ZNF536: variants seen among roughly 807,000 people sequenced by gnomAD.
The protein encoded by ZNF536 is zinc finger protein 536.
Under a neutral mutation model 84.5 loss-of-function variants are expected in ZNF536, and 13 were observed. The observed-to-expected ratio is 0.15, with a 90% CI of 0.10 to 0.24. ZNF536 has a LOEUF of 0.24. Among genes scored for constraint, ZNF536 ranks in the 10% least tolerant of loss-of-function variants. ZNF536 has a pLI of 1.00. For missense variants in ZNF536, 1,536 were observed against 1,747.5 expected, an observed-to-expected ratio of 0.88 and a Z score of 2.16; for synonymous variants, 811 against 742.5, an observed-to-expected ratio of 1.09 and a Z score of -1.50.
rs181372604 is a variant in ZNF536, at chr19:30,270,983, C to T, written c.-189-13089C>T. On this transcript the variant is annotated intron_variant, in intron 1 of 5. Transcript: ENST00000585628. ...CCATTTCTGAAACATCTGCCATCCC[C>T]TTGTTACCTGTGGGCAGAAGAGAGA... is the stretch of plus-strand genomic sequence containing the variant. Among the ~76,000 whole-genome samples, 78 of 152,114 alleles carry T rather than the reference C, an allele frequency of 5.1e-4. No individual in the cohort carries two copies. In the East Asian group the frequency reaches 0.015, roughly 29 times the overall value.
At chr19:30,370,247 C>T (rs533187251), upstream of ZNF536, among the ~76,000 whole-genome samples, 1 of 152,256 alleles carries the variant, frequency 6.6e-6, no homozygotes, top group South Asian at 2.1e-4. Flanking sequence ...GAGTGCTATA[C>T]TTTTTAGGGG....
chr19:30,429,963 A>G (rs1712187357), intron 1 of ZNF536, among the ~76,000 whole-genome samples: 1 of 151,774 alleles, frequency 6.6e-6, no homozygotes, highest in African/African-American at 2.4e-5. Flanking sequence ...GGTCCTGGAT[A>G]AGGGTACAGG....
chr19:30,616,751 A>G (rs2048309949), intron 1 of ZNF536, among the ~76,000 whole-genome samples: 1 of 152,214 alleles, frequency 6.6e-6, no homozygotes, highest in African/African-American at 2.4e-5. Context: ...AGAAAGACTG[A>G]TAAAATTAAC....
At chr19:30,567,236 C>T (rs2046385589) in intron 1 of ZNF536, among the ~76,000 whole-genome samples, 1 of 152,240 alleles carries the variant, frequency 6.6e-6, no homozygotes, top group Non-Finnish European at 1.5e-5. Flanking sequence ...ATTTCTGAGC[C>T]ACGATTCTGC....
chr19:30,471,694 C>G (rs940369200), intron 2 of ZNF536, among the ~76,000 whole-genome samples: 1 of 152,194 alleles, frequency 6.6e-6, no homozygotes, highest in Non-Finnish European at 1.5e-5. Context: ...ATGAACATCA[C>G]AGGTGTCTGC....
intron 2 of ZNF536, among the ~76,000 whole-genome samples, chr19:30,298,600 C>T (rs2046083209): frequency 6.6e-6 from 1 of 152,166 alleles, no homozygotes; most frequent in Non-Finnish European, 1.5e-5. Context: ...TTTTTGGTAT[C>T]TAGGAGACTT....
At chr19:30,355,017 T>C in intron 3 of ZNF536, among the ~76,000 whole-genome samples, 1 of 152,224 alleles carries the variant, frequency 6.6e-6, no homozygotes, top group East Asian at 1.9e-4. Flanking sequence ...ACTAGACACT[T>C]GTCCTTTTGG....
At chr19:30,600,690 G>A (rs1301380598) in intron 1 of ZNF536, among the ~76,000 whole-genome samples, 1 of 152,234 alleles carries the variant, frequency 6.6e-6, no homozygotes, top group African/African-American at 2.4e-5. Context: ...GTGAGCTGAG[G>A]CAGTGGGTCC....
At chr19:30,671,761 C>G (rs566903786) in intron 1 of ZNF536, among the ~76,000 whole-genome samples, 3 of 152,230 alleles carry the variant, frequency 2.0e-5, no homozygotes, top group African/African-American at 7.2e-5. Context: ...TGTTCAGTGA[C>G]GAACAAACAG....
intron 1 of ZNF536, among the ~76,000 whole-genome samples, chr19:30,405,887 C>T (rs528576768): frequency 6.6e-6 from 1 of 152,178 alleles, no homozygotes; most frequent in East Asian, 1.9e-4. Flanking sequence ...AAGCGATTCT[C>T]CTGCCTCAGC....
At chr19:30,565,062 T>G (rs2046303332) in intron 1 of ZNF536, among the ~76,000 whole-genome samples, 1 of 152,176 alleles carries the variant, frequency 6.6e-6, no homozygotes, top group African/African-American at 2.4e-5. Context: ...TTTGTTGCGT[T>G]GAGAGGTCAC....
intron 2 of ZNF536, among the ~76,000 whole-genome samples, chr19:30,347,743 T>C (rs1003421620): frequency 2.0e-5 from 3 of 152,184 alleles, no homozygotes; most frequent in African/African-American, 7.2e-5. Flanking sequence ...TCCTCCCCTC[T>C]TGAAGATTCA....
rs143976926 is a variant in ZNF536 at position 30,549,479 on chromosome 19, C to T, written c.3860C>T (p.Ala1287Val). Residue 1287 changes from alanine (A) to valine (V), a missense_variant, in exon 4 of 5, where the codon GCA becomes GTA. Ala to Val is a moderately conservative substitution (Grantham distance 64, BLOSUM62 0). Transcript: ENST00000355537. Reference sequence around the variant, plus strand: ...TTTAACGGACTTGCAAGTAGCACAGCAAATTCTGGATGTATCAAGAGGCCA... The same window carrying T: ...TTTAACGGACTTGCAAGTAGCACAGTAAATTCTGGATGTATCAAGAGGCCA... ...AAFNGLASSTANSGCIKRPDL... is the reference protein window; with the variant it reads ...AAFNGLASSTVNSGCIKRPDL... The T allele has an allele frequency of 6.6e-7, 1 of 1,517,376 alleles. No individual in the cohort carries two copies. The highest frequency in any genetic ancestry group is 1.4e-5 in the African/African-American group (1 of 71,722). The allele number at this position is 1,517,376 out of a possible 1,614,324, so 94.0% of individuals were successfully genotyped here.
intron 1 of ZNF536, among the ~76,000 whole-genome samples, chr19:30,698,466 T>G (rs1241908724): frequency 1.3e-5 from 2 of 152,214 alleles, no homozygotes; most frequent in Non-Finnish European, 2.9e-5. Flanking sequence ...TGTTTTAGTT[T>G]TTATCCGATG....
chr19:30,429,045 C>T (rs1028534431), intron 1 of ZNF536, among the ~76,000 whole-genome samples: 1 of 152,176 alleles, frequency 6.6e-6, no homozygotes, highest in Non-Finnish European at 1.5e-5. Context: ...GGCCACATGG[C>T]TACCTGGATG....
At chr19:30,400,961 C>T (rs2050022293) in intron 1 of ZNF536, among the ~76,000 whole-genome samples, 1 of 151,980 alleles carries the variant, frequency 6.6e-6, no homozygotes, top group South Asian at 2.1e-4. Context: ...TGATTTTTTT[C>T]CTATATTATC....
At chr19:30,282,195 AT>A (rs1266052778) in intron 1 of ZNF536, among the ~76,000 whole-genome samples, 1 of 152,164 alleles carries the variant, frequency 6.6e-6, no homozygotes, top group Non-Finnish European at 1.5e-5. Context: ...AACTAACTTG[AT>A]TTCTTTTCCT....
At chr19:30,340,090 T>G (rs2047517570) in intron 2 of ZNF536, among the ~76,000 whole-genome samples, 2 of 151,878 alleles carry the variant, frequency 1.3e-5, no homozygotes, top group Non-Finnish European at 2.9e-5. Context: ...GCTCCAGGAG[T>G]GTCTGCTGTC....
At chr19:30,628,233 G>A (rs1215088707) in intron 1 of ZNF536, among the ~76,000 whole-genome samples, 2 of 152,172 alleles carry the variant, frequency 1.3e-5, no homozygotes, top group East Asian at 3.9e-4. Context: ...GAGAGCCTGG[G>A]ACCAGAGGGT....
Sources: allele counts gnomAD v4.1 joint callset (sites outside exome capture counted in the v4.1 genomes callset), GRCh38; gene constraint gnomAD v4.1.1; transcripts MANE v1.5; gene names NCBI Gene and HGNC (gene_info 2026-07-23, HGNC 2026-07-21).